The following LCA5L variants were observed in gnomAD, a reference collection of about 807,000 sequenced individuals.
LCA5L encodes lebercilin LCA5 like, also known as lebercilin-like protein.
A neutral mutation model predicts 45.4 loss-of-function variants in LCA5L; 35 were observed. That is an observed-to-expected ratio of 0.77 (90% CI 0.59 to 1.02). The LOEUF is 1.02. LCA5L is among the 50% of genes least tolerant of loss of function. The pLI, the probability that LCA5L is intolerant of heterozygous loss-of-function variation, is 0.00. For synonymous variants in LCA5L, 233 were observed against 264.7 expected, an observed-to-expected ratio of 0.88 and a Z score of 1.16; for missense variants, 668 against 761.6, an observed-to-expected ratio of 0.88 and a Z score of 1.45.
intron 5 of LCA5L, among the ~76,000 whole-genome samples, chr21:39,426,452 A>G (rs2074723051): frequency 6.6e-6 from 1 of 152,188 alleles, no homozygotes; most frequent in Admixed American, 6.5e-5. Context: ...TAGATTCAAG[A>G]TCTCTTATTG....
At position 39,428,219 on chromosome 21, in the gene LCA5L, T is replaced by C. The variant is rs770635005; in HGVS notation, c.275A>G (p.Glu92Gly). 8 of 1,601,646 alleles carry C rather than the reference T, an allele frequency of 5.0e-6. No homozygotes were observed. The South Asian group carries it at 8.9e-5, about 18-fold the overall frequency. Residue 92 changes from glutamate (E) to glycine (G), a missense_variant, in exon 5 of 11, where the codon GAA (glutamate) becomes GGA (glycine). Physicochemically the swap from Glu to Gly is moderately conservative, Grantham distance 98. Transcript: ENST00000288350. ...AACATTATACTTTTTCTTCTCCTTT[T>C]CTTTTACCACAGGCTGCTTTAAATA... ...RNYLKQPVVK[E>G]KEKKKYNVSK...
intron 6 of LCA5L, chr21:39,421,895 G>A (rs2073827368): frequency 1.3e-5 from 2 of 152,140 alleles, no homozygotes; most frequent in African/African-American, 2.4e-5. Context: ...AATAGTTATG[G>A]AATTTGTTTT....
At position 39,423,301 on chromosome 21, in the gene LCA5L, T is replaced by C. The variant is rs1409913722; in HGVS notation, c.512A>G (p.Glu171Gly). 6.2e-7 allele frequency: 1 copy of C among 1,608,884 alleles called. No individual in the cohort carries two copies. Among genetic ancestry groups the C allele is most frequent in the Non-Finnish European group, 8.5e-7 (1 of 1,178,692 alleles). ...MHHKLEAILT[E>G]NQFLKQLQLR... is the part of the protein sequence containing the mutation. ...CTGAAGTTGTTTCAAAAATTGGTTT[T>C]CTGTAAGGATGGCTTCCAATTTATG... The change falls in exon 6 of 11, where the codon GAA (glutamate) becomes GGA (glycine). Residue 171 changes from glutamate (E) to glycine (G), a missense_variant. Glu to Gly is a moderately conservative substitution (Grantham distance 98). Coordinates refer to ENST00000288350, the MANE Select transcript of LCA5L (RefSeq NM_152505.4).
At chr21:39,440,794 G>T (rs2076760194) in intron 2 of LCA5L, among the ~76,000 whole-genome samples, 1 of 152,142 alleles carries the variant, frequency 6.6e-6, no homozygotes, top group African/African-American at 2.4e-5. Context: ...ACATCAGCCA[G>T]ACCCAAGTTC....
In LCA5L at chr21:39,406,426, C is replaced by T; in HGVS notation, c.1469G>A (p.Arg490Lys). 3.1e-6 allele frequency: 5 copies of T among 1,614,096 alleles called. No homozygotes were observed. The highest frequency in any genetic ancestry group is 4.2e-6 in the Non-Finnish European group (5 of 1,179,986). Residue 490 changes from arginine (R) to lysine (K), a missense_variant, in exon 11 of 11, where the codon AGA (arginine) becomes AAA (lysine). Transcript: ENST00000288350. ...RESNQEDVLV[R>K]EKFKRSMQRN... is the part of the protein sequence containing the mutation. ...CTGCATGCTTCTTTTAAACTTTTCT[C>T]TTACTAGAACATCTTCTTGATTGCT...
rs2074037815 is a variant in LCA5L at position 39,423,080 on chromosome 21, G to A, written c.733C>T (p.Leu245=). Residue 245 remains leucine (L), a synonymous_variant, in exon 6 of 11, where the codon CTG becomes TTG. Transcript: ENST00000288350. ...LLKTKDILQA[L]QKLSEDKNLA... is the part of the protein sequence containing the mutation. ...TTTTTGTCTTCAGAAAGTTTCTGCA[G>A]TGCCTGCAAGATATCTTTAGTCTTC... The A allele has an allele frequency of 1.2e-6, 2 of 1,614,036 alleles. No homozygotes were observed. The highest frequency in any genetic ancestry group is 1.7e-6 in the Non-Finnish European group (2 of 1,180,000).
Position 39,410,003 on chromosome 21 carries a change from C to T in LCA5L, c.1258G>A (p.Glu420Lys), listed in dbSNP as rs755958186. Residue 420 changes from glutamate (E) to lysine (K), a missense_variant, in exon 10 of 11, where the codon GAG becomes AAG. Coordinates refer to ENST00000288350, the MANE Select transcript of LCA5L (RefSeq NM_152505.4). ...PHCVNKLPKQ[E>K]DSKRKYEDLS... ...CCTTCATATTTTCTCTTAGAATCCT[C>T]TTGCTTTGGTAGTTTATTCACACAG... 32 of 1,573,940 alleles carry T rather than the reference C, an allele frequency of 2.0e-5. No individual in the cohort carries two copies. The highest frequency in any genetic ancestry group is 2.7e-5 in the African/African-American group (2 of 73,912).
At chr21:39,414,742 C>CTCTCTGTG (rs1341489035) in intron 7 of LCA5L, among the ~76,000 whole-genome samples, 16 of 99,232 alleles carry the variant, frequency 1.6e-4, no homozygotes, top group Admixed American at 4.6e-4. Flanking sequence ...CTCTCTCTCT[C>CTCTCTGTG]TGTGTGTGTG....
In LCA5L at chr21:39,409,923, G is replaced by T; in HGVS notation, c.1282+56C>A. 2.0e-6 allele frequency: 2 copies of T among 1,002,574 alleles called. No homozygotes were observed. The highest frequency in any genetic ancestry group is 3.1e-6 in the Non-Finnish European group (2 of 652,640). 62.1% of individuals were successfully genotyped at this position (1,002,574 alleles called of 1,614,324 possible). ...TATGTGTGCTTTATATACACATATA[G>T]TAATTCACAATTTTAAAGAAATCAG... On this transcript the variant is annotated intron_variant, in intron 10 of 10. Coordinates refer to ENST00000288350, the MANE Select transcript of LCA5L (RefSeq NM_152505.4). This position sits in a 1 kb window ranked among gnomAD's most constrained non-coding sequence, Gnocchi z 4.2.
chr21:39,437,217 C>A (rs1038249160), intron 2 of LCA5L, among the ~76,000 whole-genome samples: 1 of 152,150 alleles, frequency 6.6e-6, no homozygotes, highest in Non-Finnish European at 1.5e-5. Context: ...GTGATAAATA[C>A]CTATCTCAAA....
chr21:39,435,566 T>A lies in LCA5L; in HGVS notation c.-238A>T, dbSNP rs1158668796. ...CTCTTTTTAAAGAAAGAATATATTT[T>A]AAAAAACCTAAAATGGTATTACAAA... On this transcript the variant is annotated 5_prime_UTR_variant, in exon 3 of 11. Coordinates refer to ENST00000288350, the MANE Select transcript of LCA5L (RefSeq NM_152505.4). 2 of 152,182 alleles carry A rather than the reference T, an allele frequency of 1.3e-5. No individual in the cohort carries two copies. The highest frequency in any genetic ancestry group is 2.9e-5 in the Non-Finnish European group (2 of 68,042). The allele number at this position is 152,182 out of a possible 1,614,324, so 9.4% of individuals were successfully genotyped here.
Position 39,417,788 on chromosome 21 carries a change from T to C in LCA5L, c.975+2918A>G, listed in dbSNP as rs189904289. Among the ~76,000 whole-genome samples the C allele has an allele frequency of 1.1e-3, 166 of 152,060 alleles. 1 individual carries two copies. In the East Asian group the frequency reaches 0.021, roughly 19 times the overall value. ...TTTAATTTTTAATTTTTTTTTGAGA[T>C]GGAGTCTCGCTCTGTCGCCCAGGCT... On this transcript the variant is annotated intron_variant, in intron 7 of 10. Transcript: ENST00000288350.
Position 39,427,586 on chromosome 21 carries a change from C to T in LCA5L, c.322+586G>A, listed in dbSNP as rs1289719175. ...CTGAGGCAGGAGAATGGCGTGAACC[C>T]GGGAGGCAGAGCTTGCAGTGAGCCG... On this transcript the variant is annotated intron_variant, in intron 5 of 10. Transcript: ENST00000288350. Among the ~76,000 whole-genome samples, 8 of 150,268 alleles carry T rather than the reference C, an allele frequency of 5.3e-5. No homozygotes were observed. In the South Asian group the frequency reaches 1.1e-3, roughly 20 times the overall value.
At chr21:39,417,340 G>A (rs950331760) in intron 7 of LCA5L, among the ~76,000 whole-genome samples, 1 of 152,080 alleles carries the variant, frequency 6.6e-6, no homozygotes, top group Non-Finnish European at 1.5e-5. Flanking sequence ...GTACCCAGCT[G>A]CTTTTTAGTT....
At chr21:39,423,979 G>C (rs1178048997) in intron 5 of LCA5L, among the ~76,000 whole-genome samples, 1 of 152,036 alleles carries the variant, frequency 6.6e-6, no homozygotes, top group Non-Finnish European at 1.5e-5. Context: ...ACAGAGTTAA[G>C]ATCCCATCTC....
Position 39,410,032 on chromosome 21 carries a change from G to T in LCA5L, c.1229C>A (p.Pro410His). Residue 410 changes from proline to histidine, a missense_variant, in exon 10 of 11, where the codon CCT (proline) becomes CAT (histidine). Physicochemically the swap from Pro to His is moderately conservative, Grantham distance 77. Coordinates refer to ENST00000288350, the MANE Select transcript of LCA5L (RefSeq NM_152505.4). Reference protein sequence around the residue: ...EKSTEINHEIPHCVNKLPKQE... With the variant: ...EKSTEINHEIHHCVNKLPKQE... ...CTTTGGTAGTTTATTCACACAGTGAGGAATTTCATGATTTATTTCAGTTGA... is the reference window on the plus strand; with the variant it reads ...CTTTGGTAGTTTATTCACACAGTGATGAATTTCATGATTTATTTCAGTTGA... The T allele has an allele frequency of 6.2e-7, 1 of 1,609,584 alleles. No homozygotes were observed. The highest frequency in any genetic ancestry group is 1.7e-4 in the Middle Eastern group (1 of 6,046).
chr21:39,428,518 G>A lies in LCA5L; in HGVS notation c.-10-15C>T. The A allele has an allele frequency of 7.4e-7, 1 of 1,349,840 alleles. No homozygotes were observed. The highest frequency in any genetic ancestry group is 9.7e-7 in the Non-Finnish European group (1 of 1,027,782). The allele number at this position is 1,349,840 out of a possible 1,614,324, so 83.6% of individuals were successfully genotyped here. Reference sequence around the variant, plus strand: ...TAGCAAACAACCTAATAAAAGAAAAGTAAAACCTAATAAAAGTATTTTTGA... The same window carrying A: ...TAGCAAACAACCTAATAAAAGAAAAATAAAACCTAATAAAAGTATTTTTGA... On this transcript the variant is annotated splice_polypyrimidine_tract_variant and intron_variant, in intron 4 of 10. Coordinates refer to ENST00000288350, the MANE Select transcript of LCA5L (RefSeq NM_152505.4).
At chr21:39,424,505 A>G (rs919464585) in intron 5 of LCA5L, among the ~76,000 whole-genome samples, 3 of 152,178 alleles carry the variant, frequency 2.0e-5, no homozygotes, top group African/African-American at 7.2e-5. Context: ...CAACCCCATG[A>G]CAATAGCTGA....
chr21:39,444,516 T>C lies in LCA5L; in HGVS notation c.-312-315A>G, dbSNP rs187142962. 16 of 152,272 alleles carry C rather than the reference T, an allele frequency of 1.1e-4. No individual in the cohort carries two copies. The East Asian group carries it at 3.1e-3, about 29-fold the overall frequency. The allele number at this position is 152,272 out of a possible 1,614,324, so 9.4% of individuals were successfully genotyped here. A position where few individuals can be genotyped will look rare whatever the true frequency, so the allele number is the denominator to read the frequency against. On this transcript the variant is annotated intron_variant, in intron 1 of 10. Transcript: ENST00000288350. ...TATAAGGAAATTGTAATTTATATAA[T>C]CCTTTAAAAAACTTACTCATACGAA...
Sources: allele counts gnomAD v4.1 joint callset (sites outside exome capture counted in the v4.1 genomes callset), GRCh38; gene constraint gnomAD v4.1.1; non-coding constraint Gnocchi (gnomAD v3.1); transcripts MANE v1.5; gene names NCBI Gene and HGNC (gene_info 2026-07-23, HGNC 2026-07-21).